Variants in VPS8 observed in about 807,000 individuals in gnomAD.
VPS8 encodes VPS8 subunit of CORVET complex, also known as vacuolar protein sorting-associated protein 8 homolog.
In VPS8, 129 loss-of-function variants were observed where a neutral mutation model predicts 216.4. The ratio of observed to expected loss-of-function variants is 0.60; its 90% CI spans 0.52 to 0.69. VPS8 has a LOEUF of 0.69. Among genes scored for constraint, VPS8 ranks in the 30% least tolerant of loss-of-function variants. The pLI, the probability that VPS8 is intolerant of heterozygous loss-of-function variation, is 0.00. For missense variants in VPS8, 1,531 were observed against 1,683.5 expected, an observed-to-expected ratio of 0.91 and a Z score of 1.59; for synonymous variants, 571 against 565.4, an observed-to-expected ratio of 1.01 and a Z score of -0.14.
chr3:184,977,348 G>C (rs984099295), intron 40 of VPS8, among the ~76,000 whole-genome samples: 1 of 152,048 alleles, frequency 6.6e-6, no homozygotes, highest in Non-Finnish European at 1.5e-5. Context: ...ATAGATTCTA[G>C]ATATTAGACA....
intron 25 of VPS8, among the ~76,000 whole-genome samples, chr3:184,905,026 C>T (rs1456532744): frequency 2.0e-5 from 3 of 152,122 alleles, no homozygotes; most frequent in Admixed American, 1.3e-4. Context: ...CCTCACATGG[C>T]GGAAGTTGGA....
chr3:184,832,620 A>G (rs1282334654), intron 3 of VPS8, 69 bp from the exon 4 acceptor site: 2 of 1,433,740 alleles, frequency 1.4e-6, no homozygotes, highest in African/African-American at 2.9e-5. Context: ...GGAGAAACCC[A>G]TTAATGCCTG....
intron 42 of VPS8, among the ~76,000 whole-genome samples, chr3:184,985,924 G>C (rs1034087110): frequency 6.6e-6 from 1 of 152,300 alleles, no homozygotes; most frequent in South Asian, 2.1e-4. Flanking sequence ...ACATAGAGAC[G>C]AGGAGAGGAG....
At chr3:184,830,038 G>T (rs578224818) in intron 3 of VPS8, among the ~76,000 whole-genome samples, 3 of 152,138 alleles carry the variant, frequency 2.0e-5, no homozygotes, top group Non-Finnish European at 4.4e-5. Flanking sequence ...TTCCATTCGT[G>T]TGCGTGTGTG....
chr3:184,845,027 G>A (rs754634461), intron 8 of VPS8, among the ~76,000 whole-genome samples: 7 of 152,192 alleles, frequency 4.6e-5, no homozygotes, highest in Admixed American at 6.5e-5. Context: ...TTAAAACACA[G>A]ATTTGACAGT....
Position 184,898,589 on chromosome 3 carries a change from C to T in VPS8, c.2029C>T (p.Arg677Cys), listed in dbSNP as rs374195614. Reference protein sequence around the residue: ...QQVVLMCWENRLYDAMIYVYN... With the variant: ...QQVVLMCWENCLYDAMIYVYN... ...GGTAGTTCTCATGTGTTGGGAAAAT[C>T]GTTTATATGATGCTATGATCTATGT... Residue 677 changes from arginine (R) to cysteine (C), a missense_variant, in exon 24 of 48, where the codon CGT becomes TGT. Arg to Cys is a radical substitution (Grantham distance 180). Transcript: ENST00000625842. 1.4e-5 allele frequency: 22 copies of T among 1,553,712 alleles called. No homozygotes were observed. The highest frequency in any genetic ancestry group is 3.6e-5 in the South Asian group (3 of 84,048).
chr3:185,004,509 G>A (rs1185863528), intron 45 of VPS8, among the ~76,000 whole-genome samples: 1 of 134,536 alleles, frequency 7.4e-6, no homozygotes, highest in East Asian at 2.2e-4. Flanking sequence ...GAGGGAGACC[G>A]CGGGGAGAGG....
intron 4 of VPS8, 150 bp downstream of exon 4, chr3:184,832,969 T>G: frequency 1.1e-6 from 1 of 939,484 alleles, no homozygotes; most frequent in Non-Finnish European, 1.5e-6. Context: ...TTTGGTACCA[T>G]TAAGGAAGAA....
intron 3 of VPS8, among the ~76,000 whole-genome samples, chr3:184,831,390 G>A (rs1719947548): frequency 6.6e-6 from 1 of 152,212 alleles, no homozygotes; most frequent in South Asian, 2.1e-4. Context: ...TTGGCTAGTA[G>A]CATCAGCAAG....
At chr3:184,850,498 A>G (rs1232572976) in intron 10 of VPS8, among the ~76,000 whole-genome samples, 2 of 152,210 alleles carry the variant, frequency 1.3e-5, no homozygotes, top group African/African-American at 2.4e-5. Context: ...GGTTTGGATT[A>G]TGTTTAGAAA....
chr3:184,995,576 G>A (rs1228084395), intron 43 of VPS8, among the ~76,000 whole-genome samples: 1 of 152,142 alleles, frequency 6.6e-6, no homozygotes, highest in Non-Finnish European at 1.5e-5. Context: ...TAACAAGGAG[G>A]GCAGGCAGTA....
chr3:184,990,301 C>G (rs928885930), intron 42 of VPS8, among the ~76,000 whole-genome samples: 1 of 152,014 alleles, frequency 6.6e-6, no homozygotes, highest in Non-Finnish European at 1.5e-5. Context: ...CCCAATCACA[C>G]CTGTAAATAT....
At chr3:184,884,488 G>T (rs1211972722) in intron 21 of VPS8, among the ~76,000 whole-genome samples, 1 of 152,130 alleles carries the variant, frequency 6.6e-6, no homozygotes, top group Non-Finnish European at 1.5e-5. Flanking sequence ...TAAGGAGATA[G>T]TATAAATTCA....
chr3:184,900,270 G>A (rs983284393), intron 24 of VPS8, among the ~76,000 whole-genome samples: 4 of 152,168 alleles, frequency 2.6e-5, no homozygotes, highest in Admixed American at 2.0e-4. Context: ...ATTCACATAC[G>A]TGCAGGAACA....
At chr3:185,046,767 A>C (rs187332964) in intron 46 of VPS8, among the ~76,000 whole-genome samples, 1 of 152,372 alleles carries the variant, frequency 6.6e-6, no homozygotes, top group Admixed American at 6.5e-5. Flanking sequence ...GAGAGAAGCT[A>C]AATTCCTTGC....
intron 13 of VPS8, among the ~76,000 whole-genome samples, 186 bp from the exon 14 acceptor site, chr3:184,855,525 G>T (rs761032343): frequency 6.6e-6 from 1 of 152,202 alleles, no homozygotes. Context: ...CTATCAAGAT[G>T]TAGAACATTA....
chr3:185,003,591 C>G (rs1455689770), intron 45 of VPS8, among the ~76,000 whole-genome samples: 2 of 151,854 alleles, frequency 1.3e-5, no homozygotes, highest in Non-Finnish European at 2.9e-5. Flanking sequence ...ATTTCTCAAT[C>G]TTTTCCCCAC....
At chr3:184,946,235 T>A (rs890674244) in intron 36 of VPS8, among the ~76,000 whole-genome samples, 91 of 152,224 alleles carry the variant, frequency 6.0e-4, no homozygotes, top group African/African-American at 2.1e-3. Context: ...ATAATCCCAA[T>A]CTTGTAGTCT....
chr3:184,931,391 A>G (rs1403682809), intron 34 of VPS8, among the ~76,000 whole-genome samples: 2 of 152,194 alleles, frequency 1.3e-5, no homozygotes, highest in Non-Finnish European at 2.9e-5. Flanking sequence ...ATTTATATCT[A>G]CAGAGTTGCT....
Sources: gnomAD v4.1 joint callset for allele counts (sites outside exome capture counted in the v4.1 genomes callset) on GRCh38, gnomAD v4.1.1 for gene constraint, MANE v1.5 for transcripts, NCBI Gene and HGNC (gene_info 2026-07-23, HGNC 2026-07-21) for gene names.